MUC22: variants seen among roughly 807,000 people sequenced by gnomAD.
MUC22 encodes mucin 22, also known as mucin-22.
MUC22 carries 24 observed loss-of-function variants against 40.3 expected under a neutral mutation model. The observed-to-expected ratio is 0.60, with a 90% CI of 0.43 to 0.84. The LOEUF is 0.84. MUC22 is among the 40% of genes least tolerant of loss of function. The pLI is 0.00. For missense variants in MUC22, 1,926 were observed against 2,130.7 expected, an observed-to-expected ratio of 0.90 and a Z score of 1.89; for synonymous variants, 765 against 844.5, an observed-to-expected ratio of 0.91 and a Z score of 1.63.
At chr6:31,034,163 C>A (rs1041249031) in intron 3 of MUC22, among the ~76,000 whole-genome samples, 1 of 152,200 alleles carries the variant, frequency 6.6e-6, no homozygotes, top group African/African-American at 2.4e-5. Context: ...TGCCCCAGCA[C>A]ATGTAGTGAG....
At chr6:31,017,843 G>A (rs978225442) in intron 1 of MUC22, among the ~76,000 whole-genome samples, 4 of 152,198 alleles carry the variant, frequency 2.6e-5, no homozygotes, top group South Asian at 2.1e-4. Context: ...GTGGCAATCC[G>A]CTTGGGTACT....
exon 2 of MUC22, chr6:31,027,391 G>A: frequency 6.5e-7 from 1 of 1,533,938 alleles, no homozygotes; most frequent in Non-Finnish European, 8.7e-7. Flanking sequence ...CACAGGCTCT[G>A]AGACCACTAC....
intron 1 of MUC22, among the ~76,000 whole-genome samples, chr6:31,016,419 G>A (rs1324961104): frequency 6.6e-6 from 1 of 152,146 alleles, no homozygotes. Flanking sequence ...AGACGTGGCA[G>A]TTTAGATTGG....
intron 1 of MUC22, among the ~76,000 whole-genome samples, chr6:31,017,400 G>A (rs12204947): frequency 0.18 from 27,598 of 151,088 alleles, 2,610 homozygotes; most frequent in Middle Eastern, 0.22. Context: ...GTGGGGACTC[G>A]GAGAATCTTT....
chr6:31,032,718 G>T lies in MUC22; in HGVS notation c.5055+137G>T. The stretch of plus-strand genomic sequence containing the variant: ...TCAGAAGGAAAGAATCACCTAGCCT[G>T]ATATAAGGACCAGAGAGAATGCTTA... On this transcript the variant is annotated intron_variant, in intron 3 of 3. Transcript: ENST00000561890. The surrounding 1 kb of genome is among the most constrained non-coding windows in gnomAD (Gnocchi z 4.1). 2.1e-6 allele frequency: 2 copies of T among 941,970 alleles called. No homozygotes were observed. The highest frequency in any genetic ancestry group is 3.1e-6 in the Non-Finnish European group (2 of 648,298). The allele number at this position is 941,970 out of a possible 1,614,324, so 58.4% of individuals were successfully genotyped here.
chr6:31,021,068 G>A (rs555436852), intron 1 of MUC22, among the ~76,000 whole-genome samples: 1 of 152,360 alleles, frequency 6.6e-6, no homozygotes, highest in South Asian at 2.1e-4. Context: ...GCTCCAGGGC[G>A]CCCAGTCCCA....
At chr6:31,028,173 G>A (rs1302209801) in exon 2 of MUC22, 1 of 1,533,150 alleles carries the variant, frequency 6.5e-7, no homozygotes, top group Non-Finnish European at 8.7e-7. Context: ...CAGGCTCTGA[G>A]AGGACCATCA....
chr6:31,029,262 C>T (rs1225945334), exon 2 of MUC22: 1 of 1,528,890 alleles, frequency 6.5e-7, no homozygotes, highest in Non-Finnish European at 8.7e-7. Flanking sequence ...AGACTACCAT[C>T]ACCTCTACTG....
chr6:31,008,612 G>A (rs1444298078), upstream of MUC22, among the ~76,000 whole-genome samples: 1 of 150,108 alleles, frequency 6.7e-6, no homozygotes. Flanking sequence ...GCAGTGGTGC[G>A]ATCTTGGCTC....
At chr6:31,016,590 C>T (rs1003172934) in intron 1 of MUC22, among the ~76,000 whole-genome samples, 1 of 152,226 alleles carries the variant, frequency 6.6e-6, no homozygotes, top group African/African-American at 2.4e-5. Flanking sequence ...GTAAGCATTT[C>T]CTTAATTGCA....
At chr6:31,035,064 T>A (rs1403732369) in exon 4 of MUC22, 27 of 986,298 alleles carry the variant, frequency 2.7e-5, no homozygotes, top group Non-Finnish European at 3.8e-5. Context: ...GAGAAAAAAA[T>A]AATGATCATG....
chr6:31,025,602 G>A (rs957025319), exon 2 of MUC22: 16 of 1,509,166 alleles, frequency 1.1e-5, no homozygotes, highest in Middle Eastern at 3.4e-4. Context: ...CCTCTACTTC[G>A]GCCTTAACTA....
chr6:31,017,001 C>A (rs1163703169), intron 1 of MUC22, among the ~76,000 whole-genome samples: 1 of 152,240 alleles, frequency 6.6e-6, no homozygotes, highest in Non-Finnish European at 1.5e-5. Flanking sequence ...GGGTGCTGCG[C>A]TCCAATTCTC....
chr6:31,018,720 C>T (rs1187533691), intron 1 of MUC22, among the ~76,000 whole-genome samples: 1 of 152,288 alleles, frequency 6.6e-6, no homozygotes, highest in Non-Finnish European at 1.5e-5. Context: ...CATATTGTCT[C>T]TGAATCCAAT....
chr6:31,032,542 G>A lies in MUC22; in HGVS notation c.5016G>A (p.Val1672=). 6.5e-7 allele frequency: 1 copy of A among 1,535,602 alleles called. No homozygotes were observed. Among genetic ancestry groups the A allele is most frequent in the African/African-American group, 1.4e-5 (1 of 73,160 alleles). The change falls in exon 3 of 4, where the codon GTG becomes GTA. Residue 1672 remains valine (V), a synonymous_variant. Transcript: ENST00000561890. This position sits in a 1 kb window ranked among gnomAD's most constrained non-coding sequence, Gnocchi z 4.1. ...TCCTCATTTCCCTGGCTGCAGTTGT[G>A]GCTGCTGTTGGATTGTCAGTAGGAC...
At chr6:31,028,520 T>A (rs1255335109) in exon 2 of MUC22, 1 of 1,525,454 alleles carries the variant, frequency 6.6e-7, no homozygotes, top group East Asian at 2.5e-5. Flanking sequence ...GCATCCATCA[T>A]GGGCTCTGAG....
Position 31,025,586 on chromosome 6 carries a change from C to T in MUC22, c.155C>T (p.Thr52Ile), listed in dbSNP as rs1765212891. 7.9e-6 allele frequency: 12 copies of T among 1,523,764 alleles called. No homozygotes were observed. In the Admixed American group the frequency reaches 7.9e-5, roughly 10 times the overall value. 94.4% of individuals were successfully genotyped at this position (1,523,764 alleles called of 1,614,324 possible). Residue 52 changes from threonine to isoleucine, a missense_variant, in exon 2 of 4, where the codon ACC becomes ATC. Thr to Ile is a moderately conservative substitution (Grantham distance 89). This residue lies in a region of MUC22 where 1,281 missense variants were observed against 1,337.8 expected (regional missense o/e 0.96). Coordinates refer to ENST00000561890, the Ensembl canonical transcript of MUC22. ...GGCTCTGAGACCACCATGGCCTCCA[C>T]CATGGCCTCTACTTCGGCCTTAACT...
exon 2 of MUC22, chr6:31,029,875 G>T: frequency 6.5e-7 from 1 of 1,534,146 alleles, no homozygotes; most frequent in Non-Finnish European, 8.7e-7. Context: ...CTCCAGTGCA[G>T]GCTCTGAGAC....
At chr6:31,025,745 T>A in exon 2 of MUC22, 5 of 1,526,614 alleles carry the variant, frequency 3.3e-6, no homozygotes, top group Non-Finnish European at 2.6e-6. Flanking sequence ...GGGACTACTA[T>A]AGCCTCCACT....
Sources: gnomAD v4.1 joint callset for allele counts (sites outside exome capture counted in the v4.1 genomes callset) on GRCh38, gnomAD v4.1.1 for gene constraint, gnomAD v4.1.1 regional missense constraint, Gnocchi (gnomAD v3.1) non-coding constraint, MANE v1.5 for transcripts, NCBI Gene and HGNC (gene_info 2026-07-23, HGNC 2026-07-21) for gene names.